HPSE2: variants seen among roughly 807,000 people sequenced by gnomAD.
The protein encoded by HPSE2 is inactive heparanase-2.
HPSE2 carries 38 observed loss-of-function variants against 60.5 expected under a neutral mutation model. The ratio of observed to expected loss-of-function variants is 0.63; its 90% confidence interval spans 0.48 to 0.82. HPSE2 has a LOEUF of 0.82. Among genes scored for constraint, HPSE2 ranks in the 40% least tolerant of loss-of-function variants. The pLI is 0.00. For synonymous variants in HPSE2, 295 were observed against 293.2 expected (o/e 1.01, Z -0.06); for missense variants, 713 against 740.4 (o/e 0.96, Z 0.43).
chr10:98,744,560 C>CA lies in HPSE2; in HGVS notation c.611-505dup, dbSNP rs369385631. ...AAACAAAACAAAAAAACAAAACAAA[C>CA]AAAAAAAAACAAGCAGCAGAGAGAA... On this transcript the variant is annotated intron_variant, in intron 3 of 11. Transcript: ENST00000370552. Among the ~76,000 whole-genome samples, 1,335 of 150,170 alleles carry CA rather than the reference C, an allele frequency of 8.9e-3. 13 individuals are homozygous for CA. The highest frequency in any genetic ancestry group is 0.029 in the South Asian group (138 of 4,726).
chr10:98,905,294 A>G (rs371839365), intron 3 of HPSE2, among the ~76,000 whole-genome samples: 15 of 151,040 alleles, frequency 9.9e-5, no homozygotes, highest in East Asian at 3.9e-4. Context: ...ATATCTCCCA[A>G]TGCTATCCCT....
intron 3 of HPSE2, among the ~76,000 whole-genome samples, chr10:98,757,062 TAGAACAA>T (rs1949895354): frequency 6.6e-6 from 1 of 151,968 alleles, no homozygotes; most frequent in African/African-American, 2.4e-5. Context: ...ATCACATAAA[TAGAACAA>T]AAAACAAAAC....
At chr10:99,137,843 T>C (rs1210596176) in intron 3 of HPSE2, among the ~76,000 whole-genome samples, 1 of 152,190 alleles carries the variant, frequency 6.6e-6, no homozygotes, top group Non-Finnish European at 1.5e-5. Context: ...AAAGACTTCA[T>C]GTCTAAAACA....
At chr10:98,896,559 C>G (rs1050300167) in intron 3 of HPSE2, among the ~76,000 whole-genome samples, 5 of 151,988 alleles carry the variant, frequency 3.3e-5, no homozygotes, top group Non-Finnish European at 7.4e-5. Flanking sequence ...CACCTAAAAT[C>G]AATAACATGG....
chr10:98,909,126 C>T (rs969660296), intron 3 of HPSE2, among the ~76,000 whole-genome samples: 3 of 152,236 alleles, frequency 2.0e-5, no homozygotes, highest in African/African-American at 2.4e-5. Context: ...GGGTTCCTGA[C>T]GCTTGAAAGA....
intron 11 of HPSE2, among the ~76,000 whole-genome samples, chr10:98,481,706 G>C (rs1941243266): frequency 6.6e-6 from 1 of 152,236 alleles, no homozygotes; most frequent in African/African-American, 2.4e-5. Flanking sequence ...CAAGGTTGCA[G>C]TGAAACAGTG....
chr10:98,972,758 GAAGA>G (rs1955988127), intron 3 of HPSE2, among the ~76,000 whole-genome samples: 1 of 152,052 alleles, frequency 6.6e-6, no homozygotes, highest in South Asian at 2.1e-4. Context: ...ATTACAAATG[GAAGA>G]AAGACAACCA....
intron 2 of HPSE2, among the ~76,000 whole-genome samples, chr10:99,190,453 AAAC>A (rs1402758734): frequency 7.2e-5 from 11 of 152,226 alleles, no homozygotes; most frequent in Admixed American, 1.3e-4. Context: ...ACAGATTAAA[AAAC>A]AACAACAACA....
In HPSE2 at chr10:98,894,284, A is replaced by G. The variant is rs144707842; in HGVS notation, c.611-150228T>C. Among the ~76,000 whole-genome samples the G allele has an allele frequency of 9.2e-5, 14 of 152,300 alleles. No individual in the cohort carries two copies. In the East Asian group the frequency reaches 2.7e-3, roughly 29 times the overall value. Reference sequence around the variant, plus strand: ...AGAAATAGCAAGTACAACAGCAGATATTAGAATTGGACCCCAGAATATTTC... The same window carrying G: ...AGAAATAGCAAGTACAACAGCAGATGTTAGAATTGGACCCCAGAATATTTC... On this transcript the variant is annotated intron_variant, in intron 3 of 11. Transcript: ENST00000370552.
At chr10:98,702,070 G>A (rs1948425399) in intron 5 of HPSE2, among the ~76,000 whole-genome samples, 1 of 152,144 alleles carries the variant, frequency 6.6e-6, no homozygotes, top group Non-Finnish European at 1.5e-5. Flanking sequence ...CCCATCTCAT[G>A]TGCAAAGACA....
chr10:98,521,397 T>C (rs1942788577), intron 9 of HPSE2, among the ~76,000 whole-genome samples: 2 of 152,180 alleles, frequency 1.3e-5, no homozygotes, highest in South Asian at 4.1e-4. Flanking sequence ...TCATCATCAC[T>C]GATCACCAGA....
chr10:98,693,772 C>T, intron 6 of HPSE2, 128 bp downstream of exon 6: 1 of 823,586 alleles, frequency 1.2e-6, no homozygotes, highest in Non-Finnish European at 2.1e-6. Context: ...TTTGGAGTTA[C>T]TTTCAAATTT....
At chr10:98,976,610 G>A (rs146989849) in intron 3 of HPSE2, among the ~76,000 whole-genome samples, 26 of 151,968 alleles carry the variant, frequency 1.7e-4, no homozygotes, top group African/African-American at 6.0e-4. Flanking sequence ...AACCTGAGCT[G>A]TGTTTTGTAC....
intron 3 of HPSE2, among the ~76,000 whole-genome samples, chr10:98,794,240 T>C (rs1388349628): frequency 6.9e-6 from 1 of 144,566 alleles, no homozygotes; most frequent in African/African-American, 2.7e-5. Context: ...ATACATTGCA[T>C]TAATTTTTTT....
chr10:98,811,478 T>A (rs1951168404), intron 3 of HPSE2, among the ~76,000 whole-genome samples: 1 of 152,114 alleles, frequency 6.6e-6, no homozygotes, highest in Non-Finnish European at 1.5e-5. Context: ...TGAAGACTAA[T>A]GTCCAAGAGG....
intron 3 of HPSE2, among the ~76,000 whole-genome samples, chr10:99,097,004 A>C (rs1843740625): frequency 6.6e-6 from 1 of 152,200 alleles, no homozygotes; most frequent in African/African-American, 2.4e-5. Flanking sequence ...CTAAGGTTCC[A>C]TCAGGAGTTA....
chr10:98,999,526 G>A (rs1956728816), intron 3 of HPSE2, among the ~76,000 whole-genome samples: 1 of 152,118 alleles, frequency 6.6e-6, no homozygotes, highest in African/African-American at 2.4e-5. Flanking sequence ...CAAATCTCTT[G>A]TTTTTCTTCC....
chr10:98,482,816 G>T (rs1176794938), intron 10 of HPSE2, 34 bp from the exon 11 acceptor site: 2 of 1,611,716 alleles, frequency 1.2e-6, no homozygotes, highest in Non-Finnish European at 1.7e-6. Flanking sequence ...GTGAAAGATG[G>T]AAACAAAGTG....
intron 9 of HPSE2, among the ~76,000 whole-genome samples, chr10:98,576,112 A>C (rs1347567720): frequency 6.6e-6 from 1 of 152,222 alleles, no homozygotes; most frequent in African/African-American, 2.4e-5. Flanking sequence ...GAATTCCGAA[A>C]TAATTGGAAT....
Sources: gnomAD v4.1 joint callset for allele counts (sites outside exome capture counted in the v4.1 genomes callset) on GRCh38, gnomAD v4.1.1 for gene constraint, MANE v1.5 for transcripts, NCBI Gene and HGNC (gene_info 2026-07-23, HGNC 2026-07-21) for gene names.